Variants in KCNU1 observed in about 807,000 individuals in gnomAD.
KCNU1 encodes the protein potassium calcium-activated channel subfamily U member 1.
Under a neutral mutation model 126.8 loss-of-function variants are expected in KCNU1, and 93 were observed. That is an observed-to-expected ratio of 0.73 (90% confidence interval 0.62 to 0.87). The LOEUF (loss-of-function observed/expected upper bound fraction) is 0.87. Among genes scored for constraint, KCNU1 ranks in the 40% least tolerant of loss-of-function variants. The pLI is 0.00. For synonymous variants in KCNU1, 523 were observed against 494.2 expected (o/e 1.06, Z -0.77); for missense variants, 1,330 against 1,367.1 (o/e 0.97, Z 0.43).
chr8:36,900,618 TA>T (rs796527203), intron 19 of KCNU1, among the ~76,000 whole-genome samples: 8 of 152,164 alleles, frequency 5.3e-5, no homozygotes, highest in African/African-American at 1.9e-4. Flanking sequence ...GAATTGACAA[TA>T]AGTGAGTATT....
At chr8:36,868,143 A>C (rs570380345) in intron 19 of KCNU1, among the ~76,000 whole-genome samples, 25 of 152,300 alleles carry the variant, frequency 1.6e-4, no homozygotes, top group Non-Finnish European at 3.1e-4. Context: ...ATATTTCATC[A>C]ACAGAGTTGG....
At chr8:36,852,873 T>G (rs1490145044) in intron 18 of KCNU1, among the ~76,000 whole-genome samples, 1 of 152,158 alleles carries the variant, frequency 6.6e-6, no homozygotes, top group Admixed American at 6.5e-5. Flanking sequence ...AAGAACAACT[T>G]TCTTAATGGA....
chr8:36,811,138 T>C (rs1803694579), intron 7 of KCNU1, among the ~76,000 whole-genome samples: 1 of 152,120 alleles, frequency 6.6e-6, no homozygotes, highest in South Asian at 2.1e-4. Context: ...GATACTCAAA[T>C]GTTTGTAAAG....
intron 18 of KCNU1, among the ~76,000 whole-genome samples, chr8:36,849,318 G>A (rs1272509127): frequency 6.6e-6 from 1 of 152,190 alleles, no homozygotes; most frequent in Non-Finnish European, 1.5e-5. Context: ...GCTAGGCACA[G>A]TGGCTCATGC....
intron 7 of KCNU1, among the ~76,000 whole-genome samples, chr8:36,811,731 A>G (rs1803722783): frequency 6.6e-6 from 1 of 151,866 alleles, no homozygotes. Flanking sequence ...CAGGGGTTCG[A>G]GACCAGCCTG....
chr8:36,806,884 T>A (rs1803521583), intron 5 of KCNU1, among the ~76,000 whole-genome samples: 1 of 152,198 alleles, frequency 6.6e-6, no homozygotes, highest in Admixed American at 6.5e-5. Context: ...TAAATATGAA[T>A]TCCATTCCTT....
At chr8:36,830,974 G>C (rs1804523606) in intron 10 of KCNU1, among the ~76,000 whole-genome samples, 1 of 137,606 alleles carries the variant, frequency 7.3e-6, no homozygotes, top group Non-Finnish European at 1.5e-5. Flanking sequence ...TGTTCTCATT[G>C]TTCAATTCCC....
intron 19 of KCNU1, among the ~76,000 whole-genome samples, chr8:36,866,542 G>A (rs983469994): frequency 6.6e-6 from 1 of 152,086 alleles, no homozygotes; most frequent in Non-Finnish European, 1.5e-5. Context: ...GGCATTTCAG[G>A]GACCCAAATT....
intron 12 of KCNU1, among the ~76,000 whole-genome samples, chr8:36,835,239 G>A (rs1019142517): frequency 2.6e-5 from 4 of 152,218 alleles, no homozygotes; most frequent in East Asian, 1.9e-4. Context: ...ATTAGTGCAC[G>A]TTATTTATTG....
At chr8:36,815,558 A>G in intron 8 of KCNU1, 38 bp from the exon 9 acceptor site, 1 of 1,089,130 alleles carries the variant, frequency 9.2e-7, no homozygotes, top group Non-Finnish European at 1.3e-6. Context: ...CCATCAAAAT[A>G]ATGAGAACTA....
chr8:36,914,278 A>T (rs1295272258), intron 22 of KCNU1, among the ~76,000 whole-genome samples: 3 of 152,134 alleles, frequency 2.0e-5, no homozygotes, highest in African/African-American at 7.2e-5. Flanking sequence ...AACCAGTGGC[A>T]ATTTATCTCC....
chr8:36,886,072 T>C (rs1806690215), intron 19 of KCNU1, among the ~76,000 whole-genome samples: 1 of 152,058 alleles, frequency 6.6e-6, no homozygotes, highest in Non-Finnish European at 1.5e-5. Context: ...ACCACACCAA[T>C]AGGGCTTCAG....
intron 19 of KCNU1, among the ~76,000 whole-genome samples, chr8:36,897,582 A>G (rs1193857908): frequency 6.6e-6 from 1 of 152,060 alleles, no homozygotes; most frequent in Non-Finnish European, 1.5e-5. Flanking sequence ...AGCAGGGTGA[A>G]TATCCTCCTT....
intron 19 of KCNU1, among the ~76,000 whole-genome samples, chr8:36,899,068 G>T (rs370648004): frequency 2.0e-5 from 3 of 152,112 alleles, no homozygotes; most frequent in Admixed American, 6.6e-5. Context: ...CTTTTCATCT[G>T]GTAACAATTT....
intron 10 of KCNU1, among the ~76,000 whole-genome samples, chr8:36,829,306 T>A (rs1195650816): frequency 1.3e-5 from 2 of 151,976 alleles, no homozygotes; most frequent in Non-Finnish European, 2.9e-5. Context: ...TTCTATTATA[T>A]TAAAGCACTT....
At chr8:36,885,684 T>C (rs1806672787) in intron 19 of KCNU1, among the ~76,000 whole-genome samples, 1 of 152,076 alleles carries the variant, frequency 6.6e-6, no homozygotes, top group Admixed American at 6.6e-5. Context: ...TCCCAGCTAT[T>C]CTGGAGGCCG....
At chr8:36,797,576 G>A (rs1321110417) in intron 2 of KCNU1, among the ~76,000 whole-genome samples, 1 of 149,672 alleles carries the variant, frequency 6.7e-6, no homozygotes, top group African/African-American at 2.5e-5. Context: ...AATTTTATCA[G>A]TTTTATTATG....
At chr8:36,814,578 C>T (rs556771372) in intron 8 of KCNU1, among the ~76,000 whole-genome samples, 86 of 152,202 alleles carry the variant, frequency 5.7e-4, no homozygotes, top group Non-Finnish European at 9.9e-4. Flanking sequence ...TGCTTGGTTT[C>T]CAGGGATGAA....
intron 10 of KCNU1, among the ~76,000 whole-genome samples, chr8:36,825,008 T>A (rs1433010142): frequency 6.6e-6 from 1 of 152,182 alleles, no homozygotes; most frequent in African/African-American, 2.4e-5. Flanking sequence ...TTTAAATATT[T>A]TTCTTAGGTA....
Sources: gnomAD v4.1 joint callset for allele counts (sites outside exome capture counted in the v4.1 genomes callset) on GRCh38, gnomAD v4.1.1 for gene constraint, MANE v1.5 for transcripts, NCBI Gene and HGNC (gene_info 2026-07-23, HGNC 2026-07-21) for gene names.